YWHAZ: variants seen among roughly 807,000 people sequenced by gnomAD.
The protein encoded by YWHAZ is 14-3-3 protein zeta/delta.
For synonymous variants in YWHAZ, 87 were observed against 103.6 expected, an observed-to-expected ratio of 0.84 and a Z score of 0.97; for missense variants, 79 against 284.8, an observed-to-expected ratio of 0.28 and a Z score of 5.20.
At position 100,918,049 on chromosome 8, in the gene YWHAZ, A is replaced by G. The variant is rs560849969; in HGVS notation, c.*2644T>C. ...GTTTCAGGTTTTATTTACTTGAATA[A>G]TATCACATCTCTACTGGGCGCGGTG... On this transcript the variant is annotated 3_prime_UTR_variant, in exon 6 of 6. Transcript: ENST00000395958. 6.6e-6 allele frequency: 1 copy of G among 152,074 alleles called. No individual in the cohort carries two copies. The highest frequency in any genetic ancestry group is 2.4e-5 in the African/African-American group (1 of 41,406). The allele number at this position is 152,074 out of a possible 1,614,324, so 9.4% of individuals were successfully genotyped here.
At chr8:100,947,134 G>C (rs1453404973) in intron 2 of YWHAZ, among the ~76,000 whole-genome samples, 1 of 151,230 alleles carries the variant, frequency 6.6e-6, no homozygotes, top group African/African-American at 2.4e-5. Flanking sequence ...GGCGCCTGTA[G>C]TCTCAGCTAT....
Position 100,917,827 on chromosome 8 carries a change from G to C in YWHAZ, c.*2866C>G, listed in dbSNP as rs914763705. On this transcript the variant is annotated 3_prime_UTR_variant, in exon 6 of 6. Coordinates refer to ENST00000395958, the MANE Select transcript of YWHAZ (RefSeq NM_145690.3). The stretch of plus-strand genomic sequence containing the variant: ...TTGACAAAAGCAGACGTAAAGCCTG[G>C]ATTTGGGACAATCAAGGAATAGTTA... 2.0e-5 allele frequency: 3 copies of C among 152,200 alleles called. No homozygotes were observed. The highest frequency in any genetic ancestry group is 7.2e-5 in the African/African-American group (3 of 41,452). 9.4% of individuals were successfully genotyped at this position (152,200 alleles called of 1,614,324 possible).
Position 100,948,204 on chromosome 8 carries a change from T to G in YWHAZ, c.294+392A>C. On this transcript the variant is annotated intron_variant, in intron 2 of 5. Transcript: ENST00000395958. The surrounding 1 kb of genome is among the most constrained non-coding windows in gnomAD (Gnocchi z 4.2). ...AGTACTATTTCTACAATGAGTATCCTATTACATCTCTCTTACCTAAAGTAT... is the reference window on the plus strand; with the variant it reads ...AGTACTATTTCTACAATGAGTATCCGATTACATCTCTCTTACCTAAAGTAT... 1 of 1,396,332 alleles carries G rather than the reference T, an allele frequency of 7.2e-7. No individual in the cohort carries two copies. The highest frequency in any genetic ancestry group is 1.3e-5 in the South Asian group (1 of 75,800). The allele number at this position is 1,396,332 out of a possible 1,614,324, so 86.5% of individuals were successfully genotyped here.
chr8:100,924,603 A>AC lies in YWHAZ; in HGVS notation c.419-306dup, dbSNP rs1321861903. 1.3e-5 allele frequency among the ~76,000 whole-genome samples: 2 copies of AC among 152,174 alleles called. No homozygotes were observed. Among genetic ancestry groups the AC allele is most frequent in the African/African-American group, 2.4e-5 (1 of 41,454 alleles). ...CACCTCAGCCTCCAGATTAGCTGGG[A>AC]CCAAAGGCTTGCACCACCATGCCCA... On this transcript the variant is annotated intron_variant, in intron 3 of 5. Transcript: ENST00000395958. This position sits in a 1 kb window ranked among gnomAD's most constrained non-coding sequence, Gnocchi z 5.7.
intron 5 of YWHAZ, 41 bp from the exon 6 acceptor site, chr8:100,920,793 G>T: frequency 1.4e-6 from 1 of 737,534 alleles, no homozygotes; most frequent in Non-Finnish European, 2.1e-6. Flanking sequence ...GTTTCAGTGG[G>T]ATGGGGGGGG....
chr8:100,924,409 C>A lies in YWHAZ; in HGVS notation c.419-111G>T. ...CCTTTGAAATACTAACCTGTAACAG[C>A]TTAATATTTGTTAATTGAACAAGGT... On this transcript the variant is annotated intron_variant, in intron 3 of 5. Transcript: ENST00000395958. The surrounding 1 kb of genome is among the most constrained non-coding windows in gnomAD (Gnocchi z 5.7). 9.0e-7 allele frequency: 1 copy of A among 1,105,186 alleles called. No homozygotes were observed. The highest frequency in any genetic ancestry group is 1.3e-6 in the Non-Finnish European group (1 of 797,698). 68.5% of individuals were successfully genotyped at this position (1,105,186 alleles called of 1,614,324 possible). A position where few individuals can be genotyped will look rare whatever the true frequency, so the allele number is the denominator to read the frequency against.
chr8:100,943,417 TCACA>T (rs1402729545), intron 2 of YWHAZ, among the ~76,000 whole-genome samples: 5 of 152,234 alleles, frequency 3.3e-5, no homozygotes, highest in Non-Finnish European at 7.3e-5. Context: ...TTAAAAATTC[TCACA>T]CACACATTCA....
intron 2 of YWHAZ, among the ~76,000 whole-genome samples, chr8:100,935,315 A>G (rs1164442130): frequency 1.3e-5 from 2 of 152,252 alleles, no homozygotes; most frequent in Non-Finnish European, 2.9e-5. Flanking sequence ...CTTCATTTAA[A>G]TAAAACATTT....
chr8:100,924,135 T>C lies in YWHAZ; in HGVS notation c.582A>G (p.Thr194=). ...SPEKACSLAK[T]AFDEAIAELD... ...TCTACGTAACAGGTAAAATACATAC[T>C]GTCTTTGCAAGAGAGCAGGCTTTCT... The change falls in exon 4 of 6, where the codon ACA becomes ACG. Residue 194 remains threonine, a splice_region_variant and synonymous_variant. Transcript: ENST00000395958. This position sits in a 1 kb window ranked among gnomAD's most constrained non-coding sequence, Gnocchi z 5.7. The C allele has an allele frequency of 2.5e-6, 4 of 1,611,198 alleles. No homozygotes were observed. The highest frequency in any genetic ancestry group is 3.4e-6 in the Non-Finnish European group (4 of 1,179,172).
chr8:100,926,324 C>T (rs190707398), intron 2 of YWHAZ, among the ~76,000 whole-genome samples: 23 of 152,092 alleles, frequency 1.5e-4, no homozygotes, highest in African/African-American at 5.3e-4. Context: ...AATGATGTTT[C>T]CTGCAATTAT....
chr8:100,921,327 G>A (rs1335577420), intron 5 of YWHAZ, among the ~76,000 whole-genome samples: 2 of 152,008 alleles, frequency 1.3e-5, no homozygotes, highest in Non-Finnish European at 1.5e-5. Context: ...CTGTGCCCAG[G>A]CCCTAAATTA....
Position 100,917,792 on chromosome 8 carries a change from G to C in YWHAZ, c.*2901C>G, listed in dbSNP as rs1454480326. On this transcript the variant is annotated 3_prime_UTR_variant, in exon 6 of 6. Transcript: ENST00000395958. ...TGGATTTTCCAATTTCCTGGCACTA[G>C]GATGTTACATTGACAAAAGCAGACG... 2 of 152,174 alleles carry C rather than the reference G, an allele frequency of 1.3e-5. No homozygotes were observed. Among genetic ancestry groups the C allele is most frequent in the Non-Finnish European group, 2.9e-5 (2 of 68,032 alleles). 9.4% of individuals were successfully genotyped at this position (152,174 alleles called of 1,614,324 possible).
chr8:100,945,520 A>G (rs1586152867), intron 2 of YWHAZ, among the ~76,000 whole-genome samples: 2 of 152,306 alleles, frequency 1.3e-5, no homozygotes, highest in East Asian at 1.9e-4. Flanking sequence ...AAAAATATAT[A>G]TATCAAAGCC....
intron 1 of YWHAZ, 169 bp downstream of exon 1, chr8:100,951,760 C>T (rs1419958545): frequency 1.0e-6 from 1 of 985,152 alleles, no homozygotes; most frequent in Non-Finnish European, 1.2e-6. Flanking sequence ...CTCCCGAGCC[C>T]AGCGGAAGAG....
intron 5 of YWHAZ, among the ~76,000 whole-genome samples, chr8:100,921,653 C>T (rs1285352232): frequency 1.3e-5 from 2 of 152,216 alleles, no homozygotes; most frequent in Admixed American, 6.5e-5. Flanking sequence ...CTTGCCATTA[C>T]TTTAAATGGC....
chr8:100,934,632 C>T (rs1189329164), intron 2 of YWHAZ, among the ~76,000 whole-genome samples: 1 of 152,036 alleles, frequency 6.6e-6, no homozygotes, highest in African/African-American at 2.4e-5. Flanking sequence ...ACCCAGGAGG[C>T]AGAGGTTGTG....
chr8:100,950,656 G>GT (rs1554618209), intron 1 of YWHAZ: 196,196 of 788,202 alleles, frequency 0.25, 5,857 homozygotes, highest in East Asian at 0.36. Flanking sequence ...CGCCCAAGCC[G>GT]TGGGGGGGGG....
chr8:100,953,316 G>C, upstream of YWHAZ: 1 of 985,586 alleles, frequency 1.0e-6, no homozygotes, highest in Non-Finnish European at 1.2e-6. Context: ...TAGTCCCCAG[G>C]GTTCCAGCTG....
chr8:100,930,999 A>T (rs1381515104), intron 2 of YWHAZ, among the ~76,000 whole-genome samples: 1 of 152,210 alleles, frequency 6.6e-6, no homozygotes, highest in East Asian at 1.9e-4. Flanking sequence ...TGGGCTCTGA[A>T]GAGAGGACAC....
Sources: allele counts gnomAD v4.1 joint callset (sites outside exome capture counted in the v4.1 genomes callset), GRCh38; gene constraint gnomAD v4.1.1; non-coding constraint Gnocchi (gnomAD v3.1); transcripts MANE v1.5; gene names NCBI Gene and HGNC (gene_info 2026-07-23, HGNC 2026-07-21).